EXOC6B: variants seen among roughly 807,000 people sequenced by gnomAD.
EXOC6B encodes exocyst complex component 6B, also known as SEC15 homolog B.
EXOC6B carries 54 observed loss-of-function variants against 113.5 expected under a neutral mutation model. The ratio of observed to expected loss-of-function variants is 0.48; its 90% CI spans 0.38 to 0.60. The LOEUF is 0.60. EXOC6B is among the 20% of genes least tolerant of loss of function. The pLI is 0.00. For synonymous variants in EXOC6B, 357 were observed against 339.0 expected, an observed-to-expected ratio of 1.05 and a Z score of -0.58; for missense variants, 797 against 977.5, an observed-to-expected ratio of 0.82 and a Z score of 2.46.
chr2:72,574,530 T>G (rs1704713374), intron 7 of EXOC6B, among the ~76,000 whole-genome samples: 2 of 152,112 alleles, frequency 1.3e-5, no homozygotes, highest in Non-Finnish European at 2.9e-5. Context: ...AGTAAGGGTA[T>G]AACAGGAGAC....
rs533208585 is a variant in EXOC6B, at chr2:72,456,357, A to G, written c.1980+8803T>C. Among the ~76,000 whole-genome samples the G allele has an allele frequency of 3.3e-5, 5 of 152,284 alleles. No individual in the cohort carries two copies. In the South Asian group the frequency reaches 8.3e-4, roughly 25 times the overall value. The stretch of plus-strand genomic sequence containing the variant: ...GTTACTTTTAATGACATATGACTCA[A>G]AAATGATTGTCAATGCCCAGGCAGG... On this transcript the variant is annotated intron_variant, in intron 18 of 21. Transcript: ENST00000272427.
At chr2:72,226,190 C>T (rs964866468) in intron 20 of EXOC6B, among the ~76,000 whole-genome samples, 1 of 152,224 alleles carries the variant, frequency 6.6e-6, no homozygotes, top group South Asian at 2.1e-4. Context: ...TTGAATGCAA[C>T]GAGGTATCCT....
intron 20 of EXOC6B, among the ~76,000 whole-genome samples, chr2:72,239,042 G>C (rs1027929352): frequency 5.3e-5 from 8 of 152,096 alleles, no homozygotes; most frequent in African/African-American, 1.7e-4. Flanking sequence ...GGGACTACAG[G>C]TGTGCACCAC....
chr2:72,770,507 G>T (rs1683355701), intron 1 of EXOC6B, among the ~76,000 whole-genome samples: 1 of 152,072 alleles, frequency 6.6e-6, no homozygotes, highest in Non-Finnish European at 1.5e-5. Context: ...TATTTCAGCA[G>T]TAAAATATAG....
intron 20 of EXOC6B, among the ~76,000 whole-genome samples, chr2:72,327,700 A>G (rs1688205978): frequency 6.6e-6 from 1 of 152,140 alleles, no homozygotes; most frequent in Admixed American, 6.6e-5. Context: ...GCCCTGAGGT[A>G]GAATTTCCAA....
At chr2:72,193,028 C>A (rs1678945487) in intron 20 of EXOC6B, among the ~76,000 whole-genome samples, 1 of 152,170 alleles carries the variant, frequency 6.6e-6, no homozygotes, top group Admixed American at 6.5e-5. Context: ...AACCCCAGAG[C>A]AGCTTCATTT....
chr2:72,346,480 C>T (rs1689346304), intron 19 of EXOC6B, among the ~76,000 whole-genome samples: 1 of 151,970 alleles, frequency 6.6e-6, no homozygotes, highest in African/African-American at 2.4e-5. Flanking sequence ...TATGTCTTGC[C>T]TAACATATAA....
rs537133517 is a variant in EXOC6B at position 72,506,288 on chromosome 2, G to C, written c.1168-6316C>G. 2.6e-5 allele frequency among the ~76,000 whole-genome samples: 4 copies of C among 152,236 alleles called. No individual in the cohort carries two copies. The East Asian group carries it at 5.8e-4, about 22-fold the overall frequency. ...ACAAAATTGAAGATAAAACTGCCTA[G>C]ATAGGAGATTTCTTTGATGGAAGAA... On this transcript the variant is annotated intron_variant, in intron 11 of 21. Transcript: ENST00000272427.
chr2:72,675,097 C>T (rs1450802397), intron 6 of EXOC6B, among the ~76,000 whole-genome samples: 1 of 152,200 alleles, frequency 6.6e-6, no homozygotes, highest in Non-Finnish European at 1.5e-5. Flanking sequence ...AAATATCTTG[C>T]TCTACTATGA....
intron 20 of EXOC6B, among the ~76,000 whole-genome samples, chr2:72,217,946 T>C (rs1680640559): frequency 6.6e-6 from 1 of 152,226 alleles, no homozygotes; most frequent in Non-Finnish European, 1.5e-5. Context: ...TTATTTTAAT[T>C]ATATTCAAAC....
chr2:72,714,033 C>G (rs932858814), intron 6 of EXOC6B, among the ~76,000 whole-genome samples: 2 of 152,188 alleles, frequency 1.3e-5, no homozygotes, highest in African/African-American at 4.8e-5. Context: ...ACTCTCTTTC[C>G]CCTTCTGTGG....
At chr2:72,772,882 G>C (rs1573772902) in intron 1 of EXOC6B, among the ~76,000 whole-genome samples, 1 of 151,932 alleles carries the variant, frequency 6.6e-6, no homozygotes, top group Admixed American at 6.6e-5. Flanking sequence ...AAATAAACAG[G>C]AAAACCATAA....
intron 6 of EXOC6B, among the ~76,000 whole-genome samples, chr2:72,660,771 G>C (rs1674951898): frequency 6.6e-6 from 1 of 151,584 alleles, no homozygotes; most frequent in South Asian, 2.1e-4. Context: ...GGTAGATTGA[G>C]GAAGAAGACC....
At chr2:72,422,088 C>A (rs2105265019) in intron 18 of EXOC6B, among the ~76,000 whole-genome samples, 1 of 152,348 alleles carries the variant, frequency 6.6e-6, no homozygotes, top group African/African-American at 2.4e-5. Context: ...GGACCTGCAG[C>A]CCGCCATGCC....
At chr2:72,457,289 A>G (rs1479992245) in intron 18 of EXOC6B, among the ~76,000 whole-genome samples, 1 of 152,122 alleles carries the variant, frequency 6.6e-6, no homozygotes, top group Non-Finnish European at 1.5e-5. Context: ...TAAATTCAGT[A>G]CTAAAAGAAA....
At chr2:72,446,320 G>A (rs924599013) in intron 18 of EXOC6B, among the ~76,000 whole-genome samples, 5 of 151,264 alleles carry the variant, frequency 3.3e-5, no homozygotes, top group South Asian at 4.2e-4. Flanking sequence ...TGGAGGCCGC[G>A]GTGAGCCAAG....
intron 1 of EXOC6B, among the ~76,000 whole-genome samples, chr2:72,814,455 T>C (rs1344611484): frequency 6.6e-6 from 1 of 152,240 alleles, no homozygotes; most frequent in Non-Finnish European, 1.5e-5. Flanking sequence ...ATGATGATCT[T>C]CAAGACTGAA....
chr2:72,481,040 C>T (rs935285351), intron 16 of EXOC6B, among the ~76,000 whole-genome samples: 13 of 152,090 alleles, frequency 8.5e-5, no homozygotes, highest in African/African-American at 3.1e-4. Flanking sequence ...GGGGCAGTTT[C>T]CCCCATGCTA....
intron 18 of EXOC6B, among the ~76,000 whole-genome samples, chr2:72,417,134 T>A (rs1423263001): frequency 6.6e-6 from 1 of 152,210 alleles, no homozygotes; most frequent in Non-Finnish European, 1.5e-5. Context: ...TAAAATAACA[T>A]ACAACTCATA....
Sources: gnomAD v4.1 joint callset for allele counts (sites outside exome capture counted in the v4.1 genomes callset) on GRCh38, gnomAD v4.1.1 for gene constraint, MANE v1.5 for transcripts, NCBI Gene and HGNC (gene_info 2026-07-23, HGNC 2026-07-21) for gene names.